Variants in SYTL5 observed in about 807,000 individuals in gnomAD.
SYTL5 encodes synaptotagmin-like protein 5.
Under a neutral mutation model 55.9 loss-of-function variants are expected in SYTL5, and 34 were observed. The observed-to-expected ratio is 0.61, with a 90% confidence interval of 0.46 to 0.81. The LOEUF (loss-of-function observed/expected upper bound fraction) is 0.81. SYTL5 is among the 30% of genes least tolerant of loss of function. The probability of loss-of-function intolerance (pLI) is 0.00; values close to 1 mark genes in which losing one functional copy is unlikely to be tolerated. For missense variants in SYTL5, 637 were observed against 546.7 expected, an observed-to-expected ratio of 1.17 and a Z score of -1.65; for synonymous variants, 221 against 188.7, an observed-to-expected ratio of 1.17 and a Z score of -1.40.
At chrX:38,119,621 C>G (rs780589565) in intron 13 of SYTL5, among the ~76,000 whole-genome samples, 18 of 112,360 alleles carry the variant, frequency 1.6e-4, no homozygotes, top group Non-Finnish European at 2.8e-4. Context: ...TTTACTATTA[C>G]AAATAAAGCT....
At chrX:38,107,322 G>C (rs1023969936) in intron 11 of SYTL5, among the ~76,000 whole-genome samples, 1 of 111,688 alleles carries the variant, frequency 9.0e-6, no homozygotes, top group Non-Finnish European at 1.9e-5. Context: ...CAGCAAAGAG[G>C]CACATGGGGC....
chrX:38,027,363 G>C (rs1318468352), intron 1 of SYTL5, among the ~76,000 whole-genome samples: 1 of 111,884 alleles, frequency 8.9e-6, no homozygotes, highest in Non-Finnish European at 1.9e-5. Context: ...ATTCCAATAT[G>C]TGCCCAGAAT....
the SYTL5 span, among the ~76,000 whole-genome samples, chrX:37,960,063 A>G: frequency 9.0e-6 from 1 of 111,696 alleles, no homozygotes; most frequent in Non-Finnish European, 1.9e-5. Context: ...ACCAGAATGC[A>G]AGGAACAGAG....
intron 3 of SYTL5, among the ~76,000 whole-genome samples, chrX:38,056,433 G>A (rs1030490876): frequency 2.7e-5 from 3 of 111,892 alleles, no homozygotes; most frequent in African/African-American, 9.8e-5. Context: ...ACATGGGAGT[G>A]CAGATATCTC....
chrX:37,999,372 C>A, the SYTL5 span, among the ~76,000 whole-genome samples: 1 of 112,554 alleles, frequency 8.9e-6, no homozygotes, highest in South Asian at 3.7e-4. Context: ...TTCCAAAGGA[C>A]TTTATGAGAG....
At chrX:37,902,607 T>C in the SYTL5 span, among the ~76,000 whole-genome samples, 207 of 111,979 alleles carry the variant, frequency 1.8e-3, 1 homozygote, top group African/African-American at 6.3e-3. Flanking sequence ...CATGCTACTT[T>C]TGTTCACATC....
chrX:38,060,665 C>T (rs1935919230), intron 3 of SYTL5, among the ~76,000 whole-genome samples: 1 of 112,137 alleles, frequency 8.9e-6, no homozygotes, highest in African/African-American at 3.2e-5. Flanking sequence ...TGGTTTTCTT[C>T]TGTCAGGAGC....
the SYTL5 span, among the ~76,000 whole-genome samples, chrX:37,893,201 C>G: frequency 1.5e-5 from 1 of 67,245 alleles, no homozygotes; most frequent in Non-Finnish European, 2.3e-5. Context: ...ATACCACACT[C>G]TATACTATAT....
chrX:38,031,200 A>T (rs992372568), intron 1 of SYTL5, among the ~76,000 whole-genome samples: 3 of 111,728 alleles, frequency 2.7e-5, no homozygotes, highest in African/African-American at 9.8e-5. Flanking sequence ...GATTAATCAA[A>T]ACTTGATAGA....
chrX:37,922,285 T>G, the SYTL5 span, among the ~76,000 whole-genome samples: 2 of 111,799 alleles, frequency 1.8e-5, no homozygotes, highest in African/African-American at 6.5e-5. Flanking sequence ...GTCACTTCCC[T>G]TCTCTTAAAA....
intron 2 of SYTL5, among the ~76,000 whole-genome samples, chrX:38,036,561 T>C (rs1300230745): frequency 8.9e-6 from 1 of 111,796 alleles, no homozygotes; most frequent in Non-Finnish European, 1.9e-5. Flanking sequence ...AGCTACGTCT[T>C]GTCTCCTTGT....
the SYTL5 span, among the ~76,000 whole-genome samples, chrX:37,893,780 TTATA>T: frequency 7.3e-5 from 7 of 95,568 alleles, no homozygotes; most frequent in Admixed American, 2.5e-4. Context: ...AAACTATAGA[TTATA>T]TAGAGATTAG....
the SYTL5 span, among the ~76,000 whole-genome samples, chrX:37,996,726 G>T: frequency 8.9e-6 from 1 of 112,133 alleles, no homozygotes; most frequent in Non-Finnish European, 1.9e-5. Flanking sequence ...CTTTTGGGAA[G>T]CAAAGCATTT....
At chrX:38,014,087 C>T (rs767789566) in intron 1 of SYTL5, among the ~76,000 whole-genome samples, 2 of 112,387 alleles carry the variant, frequency 1.8e-5, no homozygotes, top group African/African-American at 6.5e-5. Context: ...CCTCTCTACA[C>T]TGTCATAATA....
Position 38,122,019 on chromosome X carries a change from A to G in SYTL5, c.1706-61A>G, listed in dbSNP as rs1937576166. 6 of 1,055,468 alleles carry G rather than the reference A, an allele frequency of 5.7e-6. No individual in the cohort carries two copies. In the South Asian group the frequency reaches 1.1e-4, roughly 19 times the overall value. 87.0% of individuals were successfully genotyped at this position (1,055,468 alleles called of 1,213,427 possible). A position where few individuals can be genotyped will look rare whatever the true frequency, so the allele number is the denominator to read the frequency against. On this transcript the variant is annotated intron_variant, in intron 14 of 16. Transcript: ENST00000297875. ...CTTTGTAAATTTTGAAATGGAACTC[A>G]TGATTTATCTATTTTTTTTTCTCTT...
At chrX:37,931,781 T>C in the SYTL5 span, among the ~76,000 whole-genome samples, 1 of 112,047 alleles carries the variant, frequency 8.9e-6, no homozygotes, top group Non-Finnish European at 1.9e-5. Flanking sequence ...GTAATTCAAA[T>C]CCTGTAAATT....
At chrX:37,997,755 G>T in the SYTL5 span, among the ~76,000 whole-genome samples, 2 of 112,415 alleles carry the variant, frequency 1.8e-5, no homozygotes, top group Admixed American at 1.9e-4. Context: ...CCACATTGAG[G>T]CCCCGAGTTC....
At chrX:37,976,815 A>AG in the SYTL5 span, among the ~76,000 whole-genome samples, 1 of 107,834 alleles carries the variant, frequency 9.3e-6, no homozygotes. Flanking sequence ...AAAAAAAAAA[A>AG]AAGAGCTAGG....
intron 1 of SYTL5, among the ~76,000 whole-genome samples, chrX:38,024,386 C>A (rs1272743411): frequency 1.8e-5 from 2 of 111,247 alleles, no homozygotes; most frequent in Non-Finnish European, 3.8e-5. Flanking sequence ...GGACCCCCAC[C>A]CCAGCCATAT....
Sources: allele counts gnomAD v4.1 joint callset (sites outside exome capture counted in the v4.1 genomes callset), GRCh38; gene constraint gnomAD v4.1.1; transcripts MANE v1.5; gene names NCBI Gene and HGNC (gene_info 2026-07-23, HGNC 2026-07-21).